PALLD: variants seen among roughly 807,000 people sequenced by gnomAD.
The protein encoded by PALLD is palladin, cytoskeletal associated protein.
A neutral mutation model predicts 123.5 loss-of-function variants in PALLD; 61 were observed. That is an observed-to-expected ratio of 0.49 (90% CI 0.40 to 0.61). The LOEUF is 0.61. Among genes scored for constraint, PALLD ranks in the 20% least tolerant of loss-of-function variants. The pLI, the probability that PALLD is intolerant of heterozygous loss-of-function variation, is 0.00. For synonymous variants in PALLD, 465 were observed against 496.4 expected, an observed-to-expected ratio of 0.94 and a Z score of 0.84; for missense variants, 1,273 against 1,377.0, an observed-to-expected ratio of 0.92 and a Z score of 1.20.
rs867694248 is a variant in PALLD, at chr4:168,783,108, G to A, written c.1964+71185G>A. Among the ~76,000 whole-genome samples, 14 of 150,848 alleles carry A rather than the reference G, an allele frequency of 9.3e-5. No individual in the cohort carries two copies. In the Middle Eastern group the frequency reaches 0.01, roughly 111 times the overall value. ...TGTATAGTACTGTTTCTGTTGAACA[G>A]ATAAAACCATATATTCATGGTAGCT... On this transcript the variant is annotated intron_variant, in intron 10 of 21. Transcript: ENST00000505667.
intron 10 of PALLD, among the ~76,000 whole-genome samples, chr4:168,734,837 T>A (rs1372716687): frequency 6.6e-6 from 1 of 151,916 alleles, no homozygotes; most frequent in African/African-American, 2.4e-5. Flanking sequence ...GACAGGAAGA[T>A]CACTTGAGCC....
intron 2 of PALLD, among the ~76,000 whole-genome samples, chr4:168,636,326 A>G (rs1776341771): frequency 6.6e-6 from 1 of 152,178 alleles, no homozygotes; most frequent in African/African-American, 2.4e-5. Context: ...CATCCCTGCA[A>G]AAAATAAAAT....
chr4:168,511,992 G>GC lies in PALLD; in HGVS notation c.493dup (p.Gln165ProfsTer6), dbSNP rs1309088779. ...AAAACGCCACATCAAAGAAAGGGTG[G>GC]CCCCCAGAGCCAGCTGTGTGACAAG... On this transcript the variant is annotated frameshift_variant, in exon 2 of 22. Transcript: ENST00000505667. LOFTEE classifies it high-confidence loss of function. 4.4e-5 allele frequency: 71 copies of GC among 1,614,156 alleles called. No individual in the cohort carries two copies. Among genetic ancestry groups the GC allele is most frequent in the Non-Finnish European group, 6.0e-5 (71 of 1,180,020 alleles).
chr4:168,542,301 A>G (rs1330165134), intron 2 of PALLD, among the ~76,000 whole-genome samples: 2 of 152,064 alleles, frequency 1.3e-5, no homozygotes, highest in Non-Finnish European at 2.9e-5. Flanking sequence ...CTGTGGTCCC[A>G]GCTACTCGGG....
chr4:168,904,287 T>C (rs768254069), intron 15 of PALLD: 2 of 217,028 alleles, frequency 9.2e-6, no homozygotes, highest in Non-Finnish European at 1.9e-5. Context: ...GTGAGTGGCA[T>C]GCATAGGCTG....
chr4:168,884,373 G>A lies in PALLD; in HGVS notation c.1965-6549G>A, dbSNP rs190068418. ...CAGGGTTCACAGTGCCCATCCGTTGGCCCTGCCAGGCTGGTTCTGGTCACA... is the reference window on the plus strand; with the variant it reads ...CAGGGTTCACAGTGCCCATCCGTTGACCCTGCCAGGCTGGTTCTGGTCACA... On this transcript the variant is annotated intron_variant, in intron 10 of 21. Coordinates refer to ENST00000505667, the MANE Select transcript of PALLD (RefSeq NM_001166108.2). Among the ~76,000 whole-genome samples, 21 of 152,252 alleles carry A rather than the reference G, an allele frequency of 1.4e-4. No individual in the cohort carries two copies. The East Asian group carries it at 4.1e-3, about 29-fold the overall frequency.
rs1465496279 is a variant in PALLD, at chr4:168,903,884, C to T, written c.2600C>T (p.Thr867Ile). The change falls in exon 15 of 22, where the codon ACA becomes ATA. Residue 867 changes from threonine (T) to isoleucine (I), a missense_variant. Around this residue, in one of 2 missense-constraint regions of PALLD, gnomAD observed 329 missense variants for 422.5 expected, o/e 0.78. Coordinates refer to ENST00000505667, the MANE Select transcript of PALLD (RefSeq NM_001166108.2). ...ASTLDDDGNYTIMAANPQGRI... is the reference protein window; with the variant it reads ...ASTLDDDGNYIIMAANPQGRI... ...ACCCTAGATGATGATGGGAATTATA[C>T]AATTATGGCTGCAAACCCTCAGGTA... 2 of 1,613,996 alleles carry T rather than the reference C, an allele frequency of 1.2e-6. No homozygotes were observed. Among genetic ancestry groups the T allele is most frequent in the Non-Finnish European group, 1.7e-6 (2 of 1,179,920 alleles).
At chr4:168,709,466 T>C (rs1160864677) in intron 9 of PALLD, among the ~76,000 whole-genome samples, 2 of 143,232 alleles carry the variant, frequency 1.4e-5, no homozygotes, top group African/African-American at 2.6e-5. Context: ...GCCAAGATCA[T>C]CCCACTGCAC....
chr4:168,715,149 T>G (rs73864627), intron 10 of PALLD, among the ~76,000 whole-genome samples: 8,850 of 152,098 alleles, frequency 0.058, 770 homozygotes, highest in African/African-American at 0.19. Context: ...CTGTGGTACC[T>G]CTCATAAAGT....
chr4:168,714,073 T>C (rs988330625), intron 10 of PALLD, among the ~76,000 whole-genome samples: 3 of 151,476 alleles, frequency 2.0e-5, no homozygotes, highest in Non-Finnish European at 4.4e-5. Context: ...TAATATGTGA[T>C]GATACTTTTT....
intron 16 of PALLD, 146 bp from the exon 17 acceptor site, chr4:168,915,749 A>AT (rs1484955653): frequency 6.2e-6 from 4 of 645,938 alleles, no homozygotes; most frequent in Non-Finnish European, 1.1e-5. Flanking sequence ...TGCTTTTCTG[A>AT]TTTTTTAATG....
At chr4:168,524,330 T>C (rs923822364) in intron 2 of PALLD, among the ~76,000 whole-genome samples, 7 of 152,218 alleles carry the variant, frequency 4.6e-5, no homozygotes, top group African/African-American at 9.6e-5. Context: ...AACTAGAAAT[T>C]TGTTTTCTCC....
chr4:168,873,191 T>G (rs1751307380), intron 10 of PALLD, among the ~76,000 whole-genome samples: 1 of 152,178 alleles, frequency 6.6e-6, no homozygotes. Context: ...ATATCATTGT[T>G]GTCATTGACA....
intron 21 of PALLD, 190 bp downstream of exon 21, chr4:168,925,468 T>C: frequency 1.6e-6 from 1 of 611,546 alleles, no homozygotes; most frequent in Non-Finnish European, 3.0e-6. Context: ...TCTTCCTATA[T>C]TCTATCGCAG....
chr4:168,913,253 C>T (rs1299883945), intron 15 of PALLD, among the ~76,000 whole-genome samples: 1 of 151,688 alleles, frequency 6.6e-6, no homozygotes, highest in Non-Finnish European at 1.5e-5. Flanking sequence ...TCTTCTGCCT[C>T]AGCCTCCCAA....
At chr4:168,547,669 G>A (rs1207199431) in intron 2 of PALLD, among the ~76,000 whole-genome samples, 3 of 151,890 alleles carry the variant, frequency 2.0e-5, no homozygotes, top group Non-Finnish European at 4.4e-5. Flanking sequence ...GGGAGGCGTG[G>A]CCAGGCACAG....
intron 10 of PALLD, among the ~76,000 whole-genome samples, chr4:168,719,861 T>C (rs572478181): frequency 6.6e-6 from 1 of 152,298 alleles, no homozygotes; most frequent in South Asian, 2.1e-4. Flanking sequence ...TTAGTTTGCT[T>C]AGGATCATGG....
At chr4:168,921,309 A>G (rs1761440180) in intron 17 of PALLD, among the ~76,000 whole-genome samples, 1 of 149,104 alleles carries the variant, frequency 6.7e-6, no homozygotes, top group Non-Finnish European at 1.5e-5. Flanking sequence ...CAGGAGGCTG[A>G]GACAGGAGAA....
chr4:168,497,433 T>C (rs1760863194), intron 1 of PALLD, among the ~76,000 whole-genome samples: 1 of 152,212 alleles, frequency 6.6e-6, no homozygotes, highest in Admixed American at 6.5e-5. Context: ...AGAATTACAC[T>C]TTCTGTTATA....
Sources: gnomAD v4.1 joint callset for allele counts (sites outside exome capture counted in the v4.1 genomes callset) on GRCh38, gnomAD v4.1.1 for gene constraint, gnomAD v4.1.1 regional missense constraint, MANE v1.5 for transcripts, NCBI Gene and HGNC (gene_info 2026-07-23, HGNC 2026-07-21) for gene names.